Variants in TLR4 observed in about 807,000 individuals in gnomAD.
TLR4 encodes the protein toll like receptor 4, also known as toll-like receptor 4.
TLR4 carries 17 observed loss-of-function variants against 27.4 expected under a neutral mutation model. That is an observed-to-expected ratio of 0.62 (90% confidence interval 0.42 to 0.93). The LOEUF (loss-of-function observed/expected upper bound fraction) is 0.93. TLR4 is among the 40% of genes least tolerant of loss of function. The pLI, the probability that TLR4 is intolerant of heterozygous loss-of-function variation, is 0.00. For missense variants in TLR4, 926 were observed against 962.3 expected (o/e 0.96, Z 0.50); for synonymous variants, 363 against 365.7 (o/e 0.99, Z 0.08).
At chr9:117,711,160 A>G (rs968114724) in intron 2 of TLR4, among the ~76,000 whole-genome samples, 2 of 152,082 alleles carry the variant, frequency 1.3e-5, no homozygotes, top group African/African-American at 2.4e-5. Flanking sequence ...TCTTTTGTCC[A>G]CTCTTCCAGC....
In TLR4 at chr9:117,713,891, A is replaced by G. The variant is rs1333743461; in HGVS notation, c.1763A>G (p.Gln588Arg). 1.2e-6 allele frequency: 2 copies of G among 1,614,054 alleles called. No homozygotes were observed. The highest frequency in any genetic ancestry group is 4.5e-5 in the East Asian group (2 of 44,842). Reference protein sequence around the residue: ...QNDFACTCEHQSFLQWIKDQR... With the variant: ...QNDFACTCEHRSFLQWIKDQR... ...GACTTTGCTTGTACTTGTGAACACC[A>G]GAGTTTCCTGCAATGGATCAAGGAC... Residue 588 changes from glutamine (Q) to arginine (R), a missense_variant, in exon 3 of 3, where the codon CAG (glutamine) becomes CGG (arginine). Gln to Arg is a conservative substitution (Grantham distance 43, BLOSUM62 1). Transcript: ENST00000355622.
chr9:117,713,176 C>T lies in TLR4; in HGVS notation c.1048C>T (p.Leu350Phe), dbSNP rs200307408. The part of the protein sequence containing the change: ...CKFGQFPTLK[L>F]KSLKRLTFTS... ...ATTTGGACAGTTTCCCACATTGAAA[C>T]TCAAATCTCTCAAAAGGCTTACTTT... The change falls in exon 3 of 3, where the codon CTC becomes TTC. Residue 350 changes from leucine to phenylalanine, a missense_variant. Leu to Phe is a conservative substitution (Grantham distance 22). Transcript: ENST00000355622. 1.2e-6 allele frequency: 2 copies of T among 1,614,026 alleles called. No individual in the cohort carries two copies. Among genetic ancestry groups the T allele is most frequent in the Non-Finnish European group, 1.7e-6 (2 of 1,179,978 alleles).
At chr9:117,706,438 G>T (rs1031856378) in intron 1 of TLR4, among the ~76,000 whole-genome samples, 109 of 152,086 alleles carry the variant, frequency 7.2e-4, no homozygotes, top group African/African-American at 2.5e-3. Flanking sequence ...CAGGATCATT[G>T]CTGGTTTTAT....
At position 117,713,185 on chromosome 9, in the gene TLR4, C is replaced by G. The variant is rs148638298; in HGVS notation, c.1057C>G (p.Leu353Val). The part of the protein sequence containing the change: ...GQFPTLKLKS[L>V]KRLTFTSNKG... ...GTTTCCCACATTGAAACTCAAATCT[C>G]TCAAAAGGCTTACTTTCACTTCCAA... The change falls in exon 3 of 3, where the codon CTC becomes GTC. Residue 353 changes from leucine (L) to valine (V), a missense_variant. Physicochemically the swap from Leu to Val is conservative, Grantham distance 32. Transcript: ENST00000355622. 6.2e-7 allele frequency: 1 copy of G among 1,613,918 alleles called. No homozygotes were observed. The highest frequency in any genetic ancestry group is 1.3e-5 in the African/African-American group (1 of 74,912).
Position 117,713,009 on chromosome 9 carries a change from A to T in TLR4, c.881A>T (p.Asp294Val). 1 of 1,614,044 alleles carries T rather than the reference A, an allele frequency of 6.2e-7. No homozygotes were observed. Among genetic ancestry groups the T allele is most frequent in the East Asian group, 2.2e-5 (1 of 44,862 alleles). The stretch of plus-strand genomic sequence containing the variant: ...GAAGAATTCCGATTAGCATACTTAG[A>T]CTACTACCTCGATGATATTATTGAC... Reference protein sequence around the residue: ...TIEEFRLAYLDYYLDDIIDLF... With the variant: ...TIEEFRLAYLVYYLDDIIDLF... Residue 294 changes from aspartate (D) to valine (V), a missense_variant, in exon 3 of 3, where the codon GAC becomes GTC. Transcript: ENST00000355622.
chr9:117,722,365 A>T lies in TLR4; in HGVS notation c.*7717A>T, dbSNP rs1484442671. The stretch of plus-strand genomic sequence containing the variant: ...TGATCACTGACGGTTGAAATTCAGT[A>T]GTTTTGGTCTTTAAGCTGAGACCCT... On this transcript the variant is annotated 3_prime_UTR_variant, in exon 3 of 3. Transcript: ENST00000355622. 6.6e-6 allele frequency: 1 copy of T among 152,134 alleles called. No homozygotes were observed. Among genetic ancestry groups the T allele is most frequent in the Admixed American group, 6.6e-5 (1 of 15,264 alleles). 9.4% of individuals were successfully genotyped at this position (152,134 alleles called of 1,614,324 possible).
rs746929426 is a variant in TLR4, at chr9:117,713,377, A to G, written c.1249A>G (p.Asn417Asp). ...SFNGVITMSS[N>D]FLGLEQLEHL... ...CAATGGTGTTATTACCATGAGTTCA[A>G]ACTTCTTGGGCTTAGAACAACTAGA... Residue 417 changes from asparagine (N) to aspartate (D), a missense_variant, in exon 3 of 3, where the codon AAC becomes GAC. Coordinates refer to ENST00000355622, the MANE Select transcript of TLR4 (RefSeq NM_138554.5). 44 of 1,613,960 alleles carry G rather than the reference A, an allele frequency of 2.7e-5. No homozygotes were observed. Among genetic ancestry groups the G allele is most frequent in the Non-Finnish European group, 3.4e-5 (40 of 1,180,000 alleles).
rs1193764647 is a variant in TLR4 at position 117,716,604 on chromosome 9, A to T, written c.*1956A>T. On this transcript the variant is annotated 3_prime_UTR_variant, in exon 3 of 3. Coordinates refer to ENST00000355622, the MANE Select transcript of TLR4 (RefSeq NM_138554.5). Reference sequence around the variant, plus strand: ...ATAGGGAGTTGTCTAATTGGTATAAAATTATAGTATGCAAGATGAATTAGC... The same window carrying T: ...ATAGGGAGTTGTCTAATTGGTATAATATTATAGTATGCAAGATGAATTAGC... The T allele has an allele frequency of 6.6e-6, 1 of 152,194 alleles. No individual in the cohort carries two copies. The highest frequency in any genetic ancestry group is 1.5e-5 in the Non-Finnish European group (1 of 68,028). The allele number at this position is 152,194 out of a possible 1,614,324, so 9.4% of individuals were successfully genotyped here. A position where few individuals can be genotyped will look rare whatever the true frequency, so the allele number is the denominator to read the frequency against.
chr9:117,704,649 T>G, intron 1 of TLR4, 84 bp downstream of exon 1: 2 of 1,130,540 alleles, frequency 1.8e-6, no homozygotes, highest in Non-Finnish European at 1.3e-6. Context: ...TGTTTATTTT[T>G]GCAAAAAAAA....
chr9:117,710,759 C>A (rs1829218484), intron 2 of TLR4, among the ~76,000 whole-genome samples: 1 of 151,958 alleles, frequency 6.6e-6, no homozygotes, highest in South Asian at 2.1e-4. Context: ...ATATATATTT[C>A]TTTTTATAGG....
At chr9:117,710,634 T>C (rs951775122) in intron 2 of TLR4, among the ~76,000 whole-genome samples, 10 of 152,076 alleles carry the variant, frequency 6.6e-5, no homozygotes, top group African/African-American at 2.2e-4. Context: ...GCACAAAAGA[T>C]AGCACAATAG....
rs1829294471 is a variant in TLR4, at chr9:117,714,057, AGTATCTGTT to A, written c.1933_1941del (p.Ser645_Val647del). The A allele has an allele frequency of 6.2e-7, 1 of 1,613,976 alleles. No homozygotes were observed. The highest frequency in any genetic ancestry group is 8.5e-7 in the Non-Finnish European group (1 of 1,179,984). ...GTGTGTCGGTCCTCAGTGTGCTTGT[AGTATCTGTT>A]GTAGCAGTTCTGGTCTATAAGTTCT... On this transcript the variant is annotated inframe_deletion, in exon 3 of 3. Coordinates refer to ENST00000355622, the MANE Select transcript of TLR4 (RefSeq NM_138554.5).
In TLR4 at chr9:117,717,505, G is replaced by A. The variant is rs201161878; in HGVS notation, c.*2857G>A. 2 of 151,936 alleles carry A rather than the reference G, an allele frequency of 1.3e-5. No homozygotes were observed. The highest frequency in any genetic ancestry group is 2.9e-5 in the Non-Finnish European group (2 of 68,000). The allele number at this position is 151,936 out of a possible 1,614,324, so 9.4% of individuals were successfully genotyped here. A position where few individuals can be genotyped will look rare whatever the true frequency, so the allele number is the denominator to read the frequency against. On this transcript the variant is annotated 3_prime_UTR_variant, in exon 3 of 3. Coordinates refer to ENST00000355622, the MANE Select transcript of TLR4 (RefSeq NM_138554.5). ...CTCTCTCAAAATATCTTACTGTACT[G>A]TACTCACCTATTTTCAGACCATAAC... is the stretch of plus-strand genomic sequence containing the variant.
intron 2 of TLR4, among the ~76,000 whole-genome samples, chr9:117,711,432 T>C (rs1187792514): frequency 7.9e-5 from 12 of 152,238 alleles, no homozygotes; most frequent in Non-Finnish European, 1.6e-4. Flanking sequence ...GACATGTCTC[T>C]GAACATTGTG....
Position 117,721,946 on chromosome 9 carries a change from G to C in TLR4, c.*7298G>C, listed in dbSNP as rs1829427486. 2 of 152,088 alleles carry C rather than the reference G, an allele frequency of 1.3e-5. No individual in the cohort carries two copies. The highest frequency in any genetic ancestry group is 4.1e-4 in the South Asian group (2 of 4,820). 9.4% of individuals were successfully genotyped at this position (152,088 alleles called of 1,614,324 possible). A position where few individuals can be genotyped will look rare whatever the true frequency, so the allele number is the denominator to read the frequency against. On this transcript the variant is annotated 3_prime_UTR_variant, in exon 3 of 3. Coordinates refer to ENST00000355622, the MANE Select transcript of TLR4 (RefSeq NM_138554.5). ...TTGGGATACTAGGATTGGCCTATTT[G>C]ATGGTGAGCTCACTACATCCATTTA...
chr9:117,711,394 G>T (rs1258306460), intron 2 of TLR4, among the ~76,000 whole-genome samples: 2 of 152,180 alleles, frequency 1.3e-5, no homozygotes, highest in African/African-American at 4.8e-5. Flanking sequence ...CTTGCTGTTT[G>T]CTGGCTGCAT....
chr9:117,707,563 T>C (rs1017187470), intron 1 of TLR4, among the ~76,000 whole-genome samples: 1 of 152,222 alleles, frequency 6.6e-6, no homozygotes, highest in African/African-American at 2.4e-5. Flanking sequence ...CAAGGAATTT[T>C]GTTGGAGGAA....
chr9:117,706,170 T>C (rs1250522846), intron 1 of TLR4, among the ~76,000 whole-genome samples: 1 of 152,182 alleles, frequency 6.6e-6, no homozygotes, highest in Non-Finnish European at 1.5e-5. Flanking sequence ...TTGATAACTG[T>C]GTATGGCTAG....
In TLR4 at chr9:117,713,124, G is replaced by T; in HGVS notation, c.996G>T (p.Trp332Cys). ...AAGACTTTTCTTATAATTTCGGATG[G>T]CAACATTTAGAATTAGTTAACTGTA... ...RVKDFSYNFGWQHLELVNCKF... is the reference protein window; with the variant it reads ...RVKDFSYNFGCQHLELVNCKF... Residue 332 changes from tryptophan to cysteine, a missense_variant, in exon 3 of 3, where the codon TGG becomes TGT. Physicochemically the swap from Trp to Cys is radical, Grantham distance 215 (BLOSUM62 -2). Transcript: ENST00000355622. The T allele has an allele frequency of 6.2e-7, 1 of 1,612,218 alleles. No individual in the cohort carries two copies. Among genetic ancestry groups the T allele is most frequent in the South Asian group, 1.1e-5 (1 of 90,922 alleles).
Sources: allele counts gnomAD v4.1 joint callset (sites outside exome capture counted in the v4.1 genomes callset), GRCh38; gene constraint gnomAD v4.1.1; transcripts MANE v1.5; gene names NCBI Gene and HGNC (gene_info 2026-07-23, HGNC 2026-07-21).